The following ZBBX variants were observed in gnomAD, a reference collection of about 807,000 sequenced individuals.
ZBBX encodes the protein zinc finger B-box domain containing.
In ZBBX, 101 loss-of-function variants were observed where a neutral mutation model predicts 108.5. The observed-to-expected ratio is 0.93, with a 90% CI of 0.79 to 1.10. The LOEUF (loss-of-function observed/expected upper bound fraction) is 1.10, where lower values mean the gene tolerates loss of function less well. Among genes scored for constraint, ZBBX ranks in the 50% least tolerant of loss-of-function variants. The pLI is 0.00. For missense variants in ZBBX, 1,009 were observed against 941.4 expected, an observed-to-expected ratio of 1.07 and a Z score of -0.94; for synonymous variants, 356 against 323.4, an observed-to-expected ratio of 1.10 and a Z score of -1.08.
chr3:167,260,102 A>T (rs1028658615), intron 20 of ZBBX, among the ~76,000 whole-genome samples: 2 of 152,138 alleles, frequency 1.3e-5, no homozygotes, highest in African/African-American at 4.8e-5. Flanking sequence ...GCTTAGTTTC[A>T]CTGGATACAA....
intron 16 of ZBBX, among the ~76,000 whole-genome samples, chr3:167,310,414 C>A (rs1020041592): frequency 3.3e-5 from 5 of 152,074 alleles, no homozygotes; most frequent in African/African-American, 1.2e-4. Flanking sequence ...TTTCTGGTAC[C>A]AATTTTCTCT....
chr3:167,382,046 C>A (rs1747760460), upstream of ZBBX, among the ~76,000 whole-genome samples: 1 of 152,172 alleles, frequency 6.6e-6, no homozygotes, highest in Non-Finnish European at 1.5e-5. Context: ...AACTTCTCCT[C>A]ACTTCTACAA....
the ZBBX span, among the ~76,000 whole-genome samples, chr3:167,209,911 G>A: frequency 3.9e-5 from 6 of 152,062 alleles, no homozygotes; most frequent in East Asian, 3.9e-4. Flanking sequence ...CCAACATGGC[G>A]AAAACCCATC....
At chr3:167,191,149 G>A in the ZBBX span, among the ~76,000 whole-genome samples, 9 of 152,114 alleles carry the variant, frequency 5.9e-5, no homozygotes, top group African/African-American at 2.2e-4. Context: ...GTAAGAATTG[G>A]GGAAATCCCA....
intron 19 of ZBBX, among the ~76,000 whole-genome samples, chr3:167,286,456 G>C (rs1045245339): frequency 6.6e-6 from 1 of 152,026 alleles, no homozygotes; most frequent in Non-Finnish European, 1.5e-5. Context: ...TATCAATACT[G>C]TTATGAGTAA....
intron 4 of ZBBX, among the ~76,000 whole-genome samples, chr3:167,372,084 G>A (rs570664481): frequency 4.6e-5 from 7 of 152,266 alleles, no homozygotes; most frequent in East Asian, 3.9e-4. Flanking sequence ...GGTAGCGTGC[G>A]CCTGTAATCC....
intron 9 of ZBBX, among the ~76,000 whole-genome samples, chr3:167,348,244 AGGGAGGGAGGGT>A (rs1741860525): frequency 8.8e-6 from 1 of 113,432 alleles, no homozygotes. Context: ...GAAGGAAGGG[AGGGAGGGAGGGT>A]GGAAGGGAAG....
intron 9 of ZBBX, among the ~76,000 whole-genome samples, chr3:167,337,787 A>G (rs1429823296): frequency 1.3e-5 from 2 of 152,182 alleles, no homozygotes; most frequent in Non-Finnish European, 2.9e-5. Flanking sequence ...TTTGAGTAAC[A>G]ACAATGAATA....
chr3:167,255,352 C>T (rs1723318688), intron 20 of ZBBX, among the ~76,000 whole-genome samples: 2 of 151,646 alleles, frequency 1.3e-5, no homozygotes, highest in South Asian at 4.2e-4. Flanking sequence ...ATAAAACCAT[C>T]AAGAGATGAA....
intron 18 of ZBBX, among the ~76,000 whole-genome samples, chr3:167,294,075 G>C (rs140064233): frequency 0.017 from 2,568 of 152,310 alleles, 75 homozygotes; most frequent in African/African-American, 0.059. Context: ...AACATTTCAT[G>C]CTCATGGATT....
chr3:167,322,639 T>A (rs1397687573), intron 11 of ZBBX, among the ~76,000 whole-genome samples: 1 of 152,036 alleles, frequency 6.6e-6, no homozygotes, highest in African/African-American at 2.4e-5. Context: ...AATAAATAAT[T>A]CATAATGACA....
At chr3:167,213,231 T>C in the ZBBX span, among the ~76,000 whole-genome samples, 1 of 151,938 alleles carries the variant, frequency 6.6e-6, no homozygotes, top group Non-Finnish European at 1.5e-5. Flanking sequence ...AGAATATGGA[T>C]AAGAACAAAG....
rs34400216 is a variant in ZBBX at position 167,308,830 on chromosome 3, G to C, written c.1418-2880C>G. Among the ~76,000 whole-genome samples, 880 of 152,130 alleles carry C rather than the reference G, an allele frequency of 5.8e-3. 6 individuals are homozygous for C. Among genetic ancestry groups the C allele is most frequent in the African/African-American group, 0.02 (836 of 41,486 alleles). On this transcript the variant is annotated intron_variant, in intron 16 of 21. Coordinates refer to ENST00000675490, the MANE Select transcript of ZBBX (RefSeq NM_001199201.2). ...GAGGGTGGTAGGAGGGAGAGGAGCAGGAAAAATCACTAATGGGTGCAAGGC... is the reference window on the plus strand; with the variant it reads ...GAGGGTGGTAGGAGGGAGAGGAGCACGAAAAATCACTAATGGGTGCAAGGC...
chr3:167,369,071 T>C (rs1488315736), intron 4 of ZBBX, among the ~76,000 whole-genome samples: 1 of 152,188 alleles, frequency 6.6e-6, no homozygotes, highest in Non-Finnish European at 1.5e-5. Context: ...TAGTACCTGT[T>C]TGAGACCTAT....
chr3:167,294,452 T>C (rs1731277640), intron 18 of ZBBX, among the ~76,000 whole-genome samples: 1 of 152,128 alleles, frequency 6.6e-6, no homozygotes, highest in Non-Finnish European at 1.5e-5. Flanking sequence ...AGAAAAGGAC[T>C]CCCTATTTAA....
intron 20 of ZBBX, among the ~76,000 whole-genome samples, chr3:167,257,031 T>C (rs1723643228): frequency 6.6e-6 from 1 of 152,148 alleles, no homozygotes; most frequent in Non-Finnish European, 1.5e-5. Context: ...TATTTTTAAC[T>C]TTTTAAGGAA....
chr3:167,261,487 C>A (rs913075445), intron 20 of ZBBX, among the ~76,000 whole-genome samples: 1 of 152,018 alleles, frequency 6.6e-6, no homozygotes, highest in South Asian at 2.1e-4. Flanking sequence ...TCAGACTGTC[C>A]TTGGGCAGGT....
chr3:167,225,166 T>C, the ZBBX span, among the ~76,000 whole-genome samples: 1 of 151,910 alleles, frequency 6.6e-6, no homozygotes, highest in Non-Finnish European at 1.5e-5. Context: ...AAGCCAAGTT[T>C]AGCCAAATAT....
intron 20 of ZBBX, among the ~76,000 whole-genome samples, chr3:167,243,167 T>C (rs4279098): frequency 0.05 from 7,635 of 152,290 alleles, 529 homozygotes; most frequent in African/African-American, 0.15. Context: ...AGCTGGCTTA[T>C]GATTTAGCCT....
Sources: gnomAD v4.1 joint callset for allele counts (sites outside exome capture counted in the v4.1 genomes callset) on GRCh38, gnomAD v4.1.1 for gene constraint, MANE v1.5 for transcripts, NCBI Gene and HGNC (gene_info 2026-07-23, HGNC 2026-07-21) for gene names.